Variants in RGL1 observed in about 807,000 individuals in gnomAD.
RGL1 encodes the protein ral guanine nucleotide dissociation stimulator like 1.
In RGL1, 24 loss-of-function variants were observed where a neutral mutation model predicts 95.2. That is an observed-to-expected ratio of 0.25 (90% CI 0.18 to 0.35). The LOEUF is 0.35. Ranked by LOEUF, RGL1 falls within the 10% of genes least tolerant of loss-of-function variation. The pLI is 1.00. For synonymous variants in RGL1, 329 were observed against 344.9 expected, an observed-to-expected ratio of 0.95 and a Z score of 0.51; for missense variants, 715 against 936.3, an observed-to-expected ratio of 0.76 and a Z score of 3.08.
At chr1:183,918,300 A>T (rs1275653097) in intron 16 of RGL1, among the ~76,000 whole-genome samples, 3 of 152,124 alleles carry the variant, frequency 2.0e-5, no homozygotes, top group African/African-American at 7.2e-5. Flanking sequence ...TGAGTGTAGG[A>T]TGAGGCAGAA....
intron 1 of RGL1, among the ~76,000 whole-genome samples, chr1:183,652,641 T>C (rs1650848534): frequency 6.6e-6 from 1 of 152,252 alleles, no homozygotes; most frequent in African/African-American, 2.4e-5. Context: ...GCCCAGGACC[T>C]ACCTTAGCAA....
intron 2 of RGL1, among the ~76,000 whole-genome samples, chr1:183,751,519 TTGGCTTCC>T (rs1248904426): frequency 6.6e-6 from 1 of 152,124 alleles, no homozygotes; most frequent in Admixed American, 6.6e-5. Flanking sequence ...GTGAGACCAC[TTGGCTTCC>T]TGGCTTCAGC....
intron 1 of RGL1, among the ~76,000 whole-genome samples, chr1:183,677,998 A>G (rs113464907): frequency 6.6e-6 from 1 of 152,206 alleles, no homozygotes; most frequent in Non-Finnish European, 1.5e-5. Context: ...TATGTAATTC[A>G]TCATTCTGTT....
intron 17 of RGL1, among the ~76,000 whole-genome samples, chr1:183,924,604 C>T (rs1347851736): frequency 6.6e-6 from 1 of 151,808 alleles, no homozygotes; most frequent in Non-Finnish European, 1.5e-5. Flanking sequence ...GCACATGTAC[C>T]CCAGACCTTA....
At chr1:183,830,199 C>T (rs1663166221) in intron 2 of RGL1, among the ~76,000 whole-genome samples, 1 of 152,120 alleles carries the variant, frequency 6.6e-6, no homozygotes, top group Non-Finnish European at 1.5e-5. Context: ...GGCAATGCGC[C>T]TAACTTAGCA....
chr1:183,715,593 A>G (rs1478680414), intron 1 of RGL1, among the ~76,000 whole-genome samples: 2 of 152,188 alleles, frequency 1.3e-5, no homozygotes, highest in Non-Finnish European at 2.9e-5. Flanking sequence ...CATAACACCA[A>G]GTAACTAAGA....
At chr1:183,910,654 CT>C (rs1197795625) in intron 14 of RGL1, among the ~76,000 whole-genome samples, 1 of 152,134 alleles carries the variant, frequency 6.6e-6, no homozygotes, top group Non-Finnish European at 1.5e-5. Flanking sequence ...ATGTCTTTAT[CT>C]TTTGATGATG....
chr1:183,860,405 C>T (rs1197696149), intron 3 of RGL1, among the ~76,000 whole-genome samples: 2 of 152,194 alleles, frequency 1.3e-5, no homozygotes, highest in Non-Finnish European at 2.9e-5. Context: ...CCACAGCCTA[C>T]CTACCAGGCC....
At chr1:183,915,185 A>C (rs1668886852) in intron 15 of RGL1, among the ~76,000 whole-genome samples, 1 of 152,198 alleles carries the variant, frequency 6.6e-6, no homozygotes, top group African/African-American at 2.4e-5. Context: ...TTTTAATCAG[A>C]AGCCTGATAA....
chr1:183,849,056 G>A (rs1367475255), intron 3 of RGL1, among the ~76,000 whole-genome samples: 1 of 151,838 alleles, frequency 6.6e-6, no homozygotes, highest in Non-Finnish European at 1.5e-5. Flanking sequence ...ACAGTACATA[G>A]TCTGTTCTGC....
chr1:183,710,971 G>A (rs1655227323), intron 1 of RGL1, among the ~76,000 whole-genome samples: 1 of 152,160 alleles, frequency 6.6e-6, no homozygotes, highest in Non-Finnish European at 1.5e-5. Context: ...GCTTACATAT[G>A]TCTTCTCTCT....
intron 1 of RGL1, among the ~76,000 whole-genome samples, chr1:183,733,560 C>T (rs1487294329): frequency 6.6e-6 from 1 of 152,116 alleles, no homozygotes; most frequent in African/African-American, 2.4e-5. Flanking sequence ...TAGCTTCTGC[C>T]CTCTCCCCTG....
chr1:183,686,790 C>T (rs1357294739), intron 1 of RGL1, among the ~76,000 whole-genome samples: 5 of 152,140 alleles, frequency 3.3e-5, no homozygotes, highest in Admixed American at 3.3e-4. Flanking sequence ...TGCCTTCCCC[C>T]CTGAGCATCA....
Position 183,651,255 on chromosome 1 carries a change from C to T in RGL1, c.-33+14754C>T, listed in dbSNP as rs180830829. Among the ~76,000 whole-genome samples the T allele has an allele frequency of 2.0e-5, 3 of 152,186 alleles. No homozygotes were observed. The East Asian group carries it at 5.8e-4, about 29-fold the overall frequency. ...TTTCATTTTTTACATTTAACTTTGTCAGATAACAAAACTGATAAGGCAGAA... is the reference window on the plus strand; with the variant it reads ...TTTCATTTTTTACATTTAACTTTGTTAGATAACAAAACTGATAAGGCAGAA... On this transcript the variant is annotated intron_variant, in intron 1 of 18. Transcript: ENST00000304685.
At chr1:183,714,142 TG>T (rs1655474100) in intron 1 of RGL1, among the ~76,000 whole-genome samples, 1 of 152,224 alleles carries the variant, frequency 6.6e-6, no homozygotes, top group African/African-American at 2.4e-5. Flanking sequence ...AATGAACACA[TG>T]TCATGGGTGG....
intron 13 of RGL1, among the ~76,000 whole-genome samples, chr1:183,906,124 C>A (rs931561322): frequency 2.0e-5 from 3 of 151,540 alleles, no homozygotes; most frequent in African/African-American, 7.3e-5. Flanking sequence ...AAAAAAAAAA[C>A]TTGAGGTTTA....
chr1:183,900,731 C>G (rs1206393733), intron 11 of RGL1, among the ~76,000 whole-genome samples: 3 of 151,788 alleles, frequency 2.0e-5, no homozygotes, highest in Non-Finnish European at 4.4e-5. Flanking sequence ...GCCTTGAACT[C>G]CTGACCACAG....
At chr1:183,863,359 G>A (rs149427087) in intron 3 of RGL1, among the ~76,000 whole-genome samples, 84 of 151,646 alleles carry the variant, frequency 5.5e-4, no homozygotes, top group Non-Finnish European at 8.4e-4. Flanking sequence ...GAGAGACAGC[G>A]TCTTGCTATG....
chr1:183,778,049 C>G (rs774216604), intron 2 of RGL1, among the ~76,000 whole-genome samples: 3 of 152,146 alleles, frequency 2.0e-5, no homozygotes, highest in Non-Finnish European at 2.9e-5. Flanking sequence ...TTTTTCTTTC[C>G]TCCAGCTCTG....
Sources: allele counts gnomAD v4.1 joint callset (sites outside exome capture counted in the v4.1 genomes callset), GRCh38; gene constraint gnomAD v4.1.1; transcripts MANE v1.5; gene names NCBI Gene and HGNC (gene_info 2026-07-23, HGNC 2026-07-21).